The following ASAP1 variants were observed in gnomAD, a reference collection of about 807,000 sequenced individuals.
The protein encoded by ASAP1 is arf-GAP with SH3 domain, ANK repeat and PH domain-containing protein 1.
ASAP1 carries 43 observed loss-of-function variants against 145.2 expected under a neutral mutation model. That is an observed-to-expected ratio of 0.30 (90% CI 0.23 to 0.38). The LOEUF is 0.38. ASAP1 is among the 10% of genes least tolerant of loss of function. The pLI is 1.00. For synonymous variants in ASAP1, 546 were observed against 515.5 expected, an observed-to-expected ratio of 1.06 and a Z score of -0.80; for missense variants, 1,018 against 1,355.3, an observed-to-expected ratio of 0.75 and a Z score of 3.91.
chr8:130,167,182 T>C (rs149757877), intron 11 of ASAP1, among the ~76,000 whole-genome samples: 1 of 152,042 alleles, frequency 6.6e-6, no homozygotes, highest in South Asian at 2.1e-4. Flanking sequence ...CATGTGCCTG[T>C]AGTCCCAGCT....
intron 24 of ASAP1, among the ~76,000 whole-genome samples, chr8:130,100,722 G>A (rs1426898477): frequency 6.6e-6 from 1 of 152,128 alleles, no homozygotes; most frequent in Non-Finnish European, 1.5e-5. Flanking sequence ...TGAGTTCCTT[G>A]TATATTCCGG....
intron 1 of ASAP1, among the ~76,000 whole-genome samples, chr8:130,417,079 G>A (rs530717698): frequency 3.4e-4 from 51 of 152,000 alleles, no homozygotes; most frequent in African/African-American, 1.2e-3. Context: ...CATGCAAAGT[G>A]CAACCCATGT....
intron 3 of ASAP1, among the ~76,000 whole-genome samples, chr8:130,302,319 G>A (rs1365687271): frequency 6.6e-6 from 1 of 152,224 alleles, no homozygotes; most frequent in Non-Finnish European, 1.5e-5. Context: ...GGGTGAGTAT[G>A]TCTATGGTGT....
At chr8:130,065,521 C>G (rs1564919566) in intron 27 of ASAP1, among the ~76,000 whole-genome samples, 1 of 152,156 alleles carries the variant, frequency 6.6e-6, no homozygotes, top group Non-Finnish European at 1.5e-5. Context: ...AGGAGAGATT[C>G]TGTTTCCTGA....
At chr8:130,262,388 A>C (rs1305288752) in intron 3 of ASAP1, among the ~76,000 whole-genome samples, 1 of 98,518 alleles carries the variant, frequency 1.0e-5, no homozygotes, top group Non-Finnish European at 1.9e-5. Flanking sequence ...GTGAGACTCC[A>C]TCTCAAAAAA....
intron 2 of ASAP1, among the ~76,000 whole-genome samples, chr8:130,389,770 G>C (rs762675040): frequency 8.5e-5 from 13 of 152,072 alleles, no homozygotes; most frequent in African/African-American, 3.1e-4. Context: ...GCACAGTCAC[G>C]GCTCACTGCG....
intron 11 of ASAP1, among the ~76,000 whole-genome samples, chr8:130,163,735 T>C (rs1480470792): frequency 6.6e-6 from 1 of 152,190 alleles, no homozygotes; most frequent in Non-Finnish European, 1.5e-5. Flanking sequence ...AGGAATGAAA[T>C]AGGTTCTGAA....
At chr8:130,069,500 G>C (rs900962398) in intron 27 of ASAP1, 3 of 152,224 alleles carry the variant, frequency 2.0e-5, no homozygotes, top group African/African-American at 4.8e-5. Flanking sequence ...GCCTCCCAAA[G>C]TGCTGGGATT....
chr8:130,298,049 A>G (rs569018938), intron 3 of ASAP1, among the ~76,000 whole-genome samples: 1 of 152,294 alleles, frequency 6.6e-6, no homozygotes, highest in East Asian at 1.9e-4. Context: ...CCATGTCTTC[A>G]TTGCTAAACA....
intron 3 of ASAP1, among the ~76,000 whole-genome samples, chr8:130,244,333 C>CCTA (rs1443560091): frequency 6.6e-6 from 1 of 152,100 alleles, no homozygotes; most frequent in African/African-American, 2.4e-5. Flanking sequence ...CTTGCCCTCT[C>CCTA]CTATACTAGT....
At chr8:130,311,869 T>A (rs1823375297) in intron 3 of ASAP1, among the ~76,000 whole-genome samples, 1 of 151,788 alleles carries the variant, frequency 6.6e-6, no homozygotes, top group Non-Finnish European at 1.5e-5. Flanking sequence ...GTTAAAAATC[T>A]ACTTTTAAGT....
intron 12 of ASAP1, among the ~76,000 whole-genome samples, chr8:130,157,106 T>C (rs987324545): frequency 6.6e-6 from 1 of 152,212 alleles, no homozygotes. Context: ...GTACCACAGA[T>C]GGTCAGGGAA....
At chr8:130,302,823 G>C (rs16904242) in intron 3 of ASAP1, among the ~76,000 whole-genome samples, 27,717 of 152,160 alleles carry the variant, frequency 0.18, 3,202 homozygotes, top group East Asian at 0.44. Flanking sequence ...ACTTCTAAGG[G>C]GAGAAAACTA....
chr8:130,285,412 T>C (rs1821545373), intron 3 of ASAP1, among the ~76,000 whole-genome samples: 1 of 152,206 alleles, frequency 6.6e-6, no homozygotes, highest in Admixed American at 6.5e-5. Flanking sequence ...ATTTTATGTA[T>C]GTCGGCCAAA....
intron 27 of ASAP1, among the ~76,000 whole-genome samples, chr8:130,072,230 G>A (rs1168983896): frequency 1.3e-5 from 2 of 152,168 alleles, no homozygotes; most frequent in Non-Finnish European, 2.9e-5. Flanking sequence ...CTCTGCACCT[G>A]ATATAGCTTG....
chr8:130,134,526 A>G (rs1478750652), intron 14 of ASAP1, among the ~76,000 whole-genome samples, 182 bp from the exon 15 acceptor site: 1 of 152,140 alleles, frequency 6.6e-6, no homozygotes, highest in African/African-American at 2.4e-5. Flanking sequence ...CAAAAGCTCT[A>G]TCTGTTTCTC....
intron 4 of ASAP1, among the ~76,000 whole-genome samples, chr8:130,226,632 T>C (rs1817605209): frequency 6.6e-6 from 1 of 152,216 alleles, no homozygotes; most frequent in African/African-American, 2.4e-5. Context: ...TCTGGGGTGT[T>C]ATCTGGAAAC....
chr8:130,288,210 C>CT (rs1468259035), intron 3 of ASAP1, among the ~76,000 whole-genome samples: 1 of 152,160 alleles, frequency 6.6e-6, no homozygotes, highest in East Asian at 1.9e-4. Flanking sequence ...TCATCTGTGG[C>CT]TTTTTTCTGA....
intron 7 of ASAP1, among the ~76,000 whole-genome samples, chr8:130,182,223 C>T (rs1814402851): frequency 6.6e-6 from 1 of 152,176 alleles, no homozygotes; most frequent in African/African-American, 2.4e-5. Context: ...GTGACTTAAA[C>T]ATACATGTCT....
Sources: allele counts gnomAD v4.1 joint callset (sites outside exome capture counted in the v4.1 genomes callset), GRCh38; gene constraint gnomAD v4.1.1; transcripts MANE v1.5; gene names NCBI Gene and HGNC (gene_info 2026-07-23, HGNC 2026-07-21).